The following OSBPL3 variants were observed in gnomAD, a reference collection of about 807,000 sequenced individuals.
OSBPL3 encodes oxysterol binding protein like 3.
In OSBPL3, 65 loss-of-function variants were observed where a neutral mutation model predicts 120.1. The ratio of observed to expected loss-of-function variants is 0.54; its 90% CI spans 0.44 to 0.67. The LOEUF is 0.67. Ranked by LOEUF, OSBPL3 falls within the 30% of genes least tolerant of loss-of-function variation. OSBPL3 has a pLI of 0.00. For missense variants in OSBPL3, 1,004 were observed against 1,082.1 expected (o/e 0.93, Z 1.01); for synonymous variants, 416 against 402.6 (o/e 1.03, Z -0.40).
At chr7:24,847,059 C>CAAA (rs10712873) in intron 12 of OSBPL3, among the ~76,000 whole-genome samples, 97 of 106,184 alleles carry the variant, frequency 9.1e-4, no homozygotes, top group Non-Finnish European at 1.5e-3. Flanking sequence ...GACTCTGTCT[C>CAAA]AAAAAAAAAA....
At chr7:24,869,043 A>G (rs915097151) in intron 5 of OSBPL3, among the ~76,000 whole-genome samples, 2 of 152,228 alleles carry the variant, frequency 1.3e-5, no homozygotes, top group Non-Finnish European at 2.9e-5. Context: ...ACAGCCCACA[A>G]TTAAAAACTG....
Position 24,922,035 on chromosome 7 carries a change from G to C in OSBPL3, c.-149-29414C>G, listed in dbSNP as rs534086004. ...CGTCCAGCCAAGAGGCTGGTACACA[G>C]CAGCCACCTCAAAAACGCTTGTGGA... On this transcript the variant is annotated intron_variant, in intron 1 of 22. Transcript: ENST00000313367. The surrounding 1 kb of genome is among the most constrained non-coding windows in gnomAD (Gnocchi z 4.3). Among the ~76,000 whole-genome samples, 51 of 152,326 alleles carry C rather than the reference G, an allele frequency of 3.3e-4. No individual in the cohort carries two copies. Among genetic ancestry groups the C allele is most frequent in the African/African-American group, 1.2e-3 (48 of 41,566 alleles).
At position 24,803,077 on chromosome 7, in the gene OSBPL3, G is replaced by A. The variant is rs1792574247; in HGVS notation, c.2567+1238C>T. On this transcript the variant is annotated intron_variant, in intron 22 of 22. Transcript: ENST00000313367. This position sits in a 1 kb window ranked among gnomAD's most constrained non-coding sequence, Gnocchi z 4.2. Reference sequence around the variant, plus strand: ...TATTCTTCAAGACAAAACCTTATTTGTCACTATTTTGATGTTTTGGAATAC... The same window carrying A: ...TATTCTTCAAGACAAAACCTTATTTATCACTATTTTGATGTTTTGGAATAC... 6.6e-6 allele frequency among the ~76,000 whole-genome samples: 1 copy of A among 152,106 alleles called. No homozygotes were observed. The highest frequency in any genetic ancestry group is 1.5e-5 in the Non-Finnish European group (1 of 68,020).
At chr7:24,848,993 T>C in intron 12 of OSBPL3, 76 bp downstream of exon 12, 2 of 984,292 alleles carry the variant, frequency 2.0e-6, no homozygotes, top group Admixed American at 1.8e-5. Context: ...AGCAGGGAGG[T>C]CGTGCAATGG....
intron 1 of OSBPL3, among the ~76,000 whole-genome samples, chr7:24,910,319 T>C (rs1436789788): frequency 1.3e-5 from 2 of 151,996 alleles, no homozygotes; most frequent in Non-Finnish European, 2.9e-5. Flanking sequence ...GAGAGATGAG[T>C]CCATAGGTCC....
rs1207887975 is a variant in OSBPL3, at chr7:24,936,250, A to G, written c.-149-43629T>C. 2.6e-5 allele frequency among the ~76,000 whole-genome samples: 4 copies of G among 152,328 alleles called. No individual in the cohort carries two copies. Among genetic ancestry groups the G allele is most frequent in the African/African-American group, 9.6e-5 (4 of 41,576 alleles). Reference sequence around the variant, plus strand: ...GTAAGAACATATGCGAATATTTCAAAGGAAGCTGAGACAGTGAATACAGGC... The same window carrying G: ...GTAAGAACATATGCGAATATTTCAAGGGAAGCTGAGACAGTGAATACAGGC... On this transcript the variant is annotated intron_variant, in intron 1 of 22. Transcript: ENST00000313367. The surrounding 1 kb of genome is among the most constrained non-coding windows in gnomAD (Gnocchi z 4.2).
Position 24,842,375 on chromosome 7 carries a change from C to G in OSBPL3, c.1305G>C (p.Gln435His). 6.2e-7 allele frequency: 1 copy of G among 1,612,372 alleles called. No homozygotes were observed. Among genetic ancestry groups the G allele is most frequent in the South Asian group, 1.1e-5 (1 of 90,516 alleles). ...TGGAGAGTCTACTTTCATTAGAAAG[C>G]TGATGAACTAGAGCTCGGTTTTCAT... ...SRDENRALVHQLSNESRLSIT... is the reference protein window; with the variant it reads ...SRDENRALVHHLSNESRLSIT... The change falls in exon 13 of 23, where the codon CAG becomes CAC. Residue 435 changes from glutamine (Q) to histidine (H), a missense_variant. Physicochemically the swap from Gln to His is conservative, Grantham distance 24. Around this residue, in one of 4 missense-constraint regions of OSBPL3, gnomAD observed 473 missense variants for 568.0 expected, o/e 0.83. Transcript: ENST00000313367.
In OSBPL3 at chr7:24,939,566, A is replaced by G. The variant is rs747762471; in HGVS notation, c.-150+40320T>C. Among the ~76,000 whole-genome samples the G allele has an allele frequency of 1.1e-4, 17 of 152,228 alleles. No individual in the cohort carries two copies. The highest frequency in any genetic ancestry group is 3.9e-4 in the African/African-American group (16 of 41,460). On this transcript the variant is annotated intron_variant, in intron 1 of 22. Coordinates refer to ENST00000313367, the MANE Select transcript of OSBPL3 (RefSeq NM_015550.4). The surrounding 1 kb of genome is among the most constrained non-coding windows in gnomAD (Gnocchi z 4.2). ...AACACGCAGGAAGAAAAGACTAAAG[A>G]AACTGGGTCCTTGAGGACACAGTCA... is the stretch of plus-strand genomic sequence containing the variant.
In OSBPL3 at chr7:24,863,669, C is replaced by T; in HGVS notation, c.674-70G>A. 1 of 984,070 alleles carries T rather than the reference C, an allele frequency of 1.0e-6. No homozygotes were observed. Among genetic ancestry groups the T allele is most frequent in the Non-Finnish European group, 1.6e-6 (1 of 625,850 alleles). 61.0% of individuals were successfully genotyped at this position (984,070 alleles called of 1,614,324 possible). A position where few individuals can be genotyped will look rare whatever the true frequency, so the allele number is the denominator to read the frequency against. On this transcript the variant is annotated intron_variant, in intron 7 of 22. Transcript: ENST00000313367. This position sits in a 1 kb window ranked among gnomAD's most constrained non-coding sequence, Gnocchi z 5.8. ...GAGGGATCACTGTGCTGTCCCCATG[C>T]CAGCTACTTTTCCTTATTTATCTGT...
In OSBPL3 at chr7:24,937,665, T is replaced by G. The variant is rs1045502000; in HGVS notation, c.-150+42221A>C. ...ACATATCTGGAAATAGAACTGGAGG[T>G]TTATGGTGCTATCAGGCATAAAACA... On this transcript the variant is annotated intron_variant, in intron 1 of 22. Coordinates refer to ENST00000313367, the MANE Select transcript of OSBPL3 (RefSeq NM_015550.4). This position sits in a 1 kb window ranked among gnomAD's most constrained non-coding sequence, Gnocchi z 4.0. Among the ~76,000 whole-genome samples the G allele has an allele frequency of 6.6e-6, 1 of 150,384 alleles. No homozygotes were observed. The highest frequency in any genetic ancestry group is 2.5e-5 in the African/African-American group (1 of 40,770).
rs1284239857 is a variant in OSBPL3 at position 24,833,525 on chromosome 7, G to A, written c.1746+961C>T. 6.6e-6 allele frequency among the ~76,000 whole-genome samples: 1 copy of A among 152,174 alleles called. No homozygotes were observed. The highest frequency in any genetic ancestry group is 2.1e-4 in the South Asian group (1 of 4,818). On this transcript the variant is annotated intron_variant, in intron 15 of 22. Transcript: ENST00000313367. This position sits in a 1 kb window ranked among gnomAD's most constrained non-coding sequence, Gnocchi z 4.4. ...AGAACTGCAGAATGCTTAGAATGTAGAAAATAATAGCATCCTCTATCAATG... is the reference window on the plus strand; with the variant it reads ...AGAACTGCAGAATGCTTAGAATGTAAAAAATAATAGCATCCTCTATCAATG...
rs780589068 is a variant in OSBPL3, at chr7:24,872,271, G to T, written c.97-202C>A. Among the ~76,000 whole-genome samples, 4 of 151,816 alleles carry T rather than the reference G, an allele frequency of 2.6e-5. No homozygotes were observed. The highest frequency in any genetic ancestry group is 6.6e-5 in the Admixed American group (1 of 15,262). ...TATAATTTAGTGGCATCAAATTTTG[G>T]TTTTTTTAAAGCTCTTTTTTTTTTA... On this transcript the variant is annotated intron_variant, in intron 2 of 22. Transcript: ENST00000313367. The surrounding 1 kb of genome is among the most constrained non-coding windows in gnomAD (Gnocchi z 4.1).
At chr7:24,870,928 CT>C in intron 4 of OSBPL3, 83 bp from the exon 5 acceptor site, 3 of 864,094 alleles carry the variant, frequency 3.5e-6, no homozygotes, top group East Asian at 2.4e-5. Context: ...TCCACATCCC[CT>C]GATAGTAAAA....
chr7:24,888,105 A>T (rs945249486), intron 2 of OSBPL3, among the ~76,000 whole-genome samples: 1 of 152,218 alleles, frequency 6.6e-6, no homozygotes, highest in Non-Finnish European at 1.5e-5. Flanking sequence ...TTTGTACAAC[A>T]CTAAAAAGGT....
Position 24,805,916 on chromosome 7 carries a change from T to C in OSBPL3, c.2444+860A>G, listed in dbSNP as rs1050281971. Among the ~76,000 whole-genome samples the C allele has an allele frequency of 2.0e-5, 3 of 152,296 alleles. No homozygotes were observed. In the South Asian group the frequency reaches 6.2e-4, roughly 32 times the overall value. On this transcript the variant is annotated intron_variant, in intron 21 of 22. Transcript: ENST00000313367. The surrounding 1 kb of genome is among the most constrained non-coding windows in gnomAD (Gnocchi z 4.0). ...GTTTGTCATTTATCTTTTGACCTTA[T>C]ATATATAGTTTTATTTATTTTGCCA...
In OSBPL3 at chr7:24,911,580, T is replaced by G. The variant is rs376560289; in HGVS notation, c.-149-18959A>C. Among the ~76,000 whole-genome samples, 4 of 152,330 alleles carry G rather than the reference T, an allele frequency of 2.6e-5. No homozygotes were observed. In the South Asian group the frequency reaches 8.3e-4, roughly 32 times the overall value. On this transcript the variant is annotated intron_variant, in intron 1 of 22. Transcript: ENST00000313367. ...GTATCAGATGTACACACTTCAAGTTTGTTTGTCCACTTAACTAAAAATAAC... is the reference window on the plus strand; with the variant it reads ...GTATCAGATGTACACACTTCAAGTTGGTTTGTCCACTTAACTAAAAATAAC...
In OSBPL3 at chr7:24,863,138, G is replaced by T; in HGVS notation, c.870+62C>A. 8.5e-7 allele frequency: 1 copy of T among 1,174,442 alleles called. No individual in the cohort carries two copies. The highest frequency in any genetic ancestry group is 1.3e-6 in the Non-Finnish European group (1 of 779,696). 72.8% of individuals were successfully genotyped at this position (1,174,442 alleles called of 1,614,324 possible). On this transcript the variant is annotated intron_variant, in intron 9 of 22. Transcript: ENST00000313367. The surrounding 1 kb of genome is among the most constrained non-coding windows in gnomAD (Gnocchi z 5.8). ...CCTAGCTGAGTCAAGGTAGCTGCTG[G>T]CACACGGCATGCAGAGCAGGGCCAA...
intron 11 of OSBPL3, among the ~76,000 whole-genome samples, chr7:24,850,325 GGTCT>G (rs1798988138): frequency 6.6e-6 from 1 of 152,146 alleles, no homozygotes; most frequent in Non-Finnish European, 1.5e-5. Flanking sequence ...CTTCTCCAAT[GGTCT>G]GTCTGTGGAA....
intron 12 of OSBPL3, among the ~76,000 whole-genome samples, chr7:24,843,135 A>C (rs73087719): frequency 0.014 from 2,090 of 152,298 alleles, 44 homozygotes; most frequent in South Asian, 0.028. Context: ...GGGAGGACTT[A>C]AGTCCTGAGC....
Sources: allele counts gnomAD v4.1 joint callset (sites outside exome capture counted in the v4.1 genomes callset), GRCh38; gene constraint gnomAD v4.1.1; regional missense constraint gnomAD v4.1.1; non-coding constraint Gnocchi (gnomAD v3.1); transcripts MANE v1.5; gene names NCBI Gene and HGNC (gene_info 2026-07-23, HGNC 2026-07-21).